The following SLCO1B3 variants were observed in gnomAD, a reference collection of about 807,000 sequenced individuals.
SLCO1B3 encodes solute carrier organic anion transporter family member 1B3.
A neutral mutation model predicts 71.8 loss-of-function variants in SLCO1B3; 72 were observed. That is an observed-to-expected ratio of 1.00 (90% CI 0.83 to 1.22). SLCO1B3 has a LOEUF of 1.22. Among genes scored for constraint, SLCO1B3 ranks in the 50% most tolerant of loss-of-function variants. The pLI, the probability that SLCO1B3 is intolerant of heterozygous loss-of-function variation, is 0.00. For synonymous variants in SLCO1B3, 298 were observed against 278.4 expected, an observed-to-expected ratio of 1.07 and a Z score of -0.70; for missense variants, 911 against 819.7, an observed-to-expected ratio of 1.11 and a Z score of -1.36.
intron 15 of SLCO1B3, among the ~76,000 whole-genome samples, chr12:20,908,781 C>T (rs1031258582): frequency 6.6e-6 from 1 of 152,106 alleles, no homozygotes; most frequent in Non-Finnish European, 1.5e-5. Flanking sequence ...TATACATTTG[C>T]CTACTGAAGG....
chr12:20,908,323 T>C (rs900405889), intron 15 of SLCO1B3, among the ~76,000 whole-genome samples: 9 of 152,334 alleles, frequency 5.9e-5, no homozygotes, highest in African/African-American at 1.9e-4. Context: ...TTCCCCATTA[T>C]CAACATCTCC....
At chr12:20,888,441 T>G (rs1255537888) in intron 13 of SLCO1B3, among the ~76,000 whole-genome samples, 1 of 152,132 alleles carries the variant, frequency 6.6e-6, no homozygotes, top group South Asian at 2.1e-4. Flanking sequence ...ATTACTATTT[T>G]TTATATTCAT....
intron 3 of SLCO1B3, among the ~76,000 whole-genome samples, chr12:20,833,652 CTGTG>C (rs1319105492): frequency 1.7e-5 from 2 of 115,250 alleles, no homozygotes; most frequent in Non-Finnish European, 4.0e-5. Flanking sequence ...TACACACAAA[CTGTG>C]TGTGTGCATA....
At chr12:20,873,821 T>C (rs1865525100) in intron 8 of SLCO1B3, among the ~76,000 whole-genome samples, 1 of 152,178 alleles carries the variant, frequency 6.6e-6, no homozygotes, top group South Asian at 2.1e-4. Flanking sequence ...TTATGTCTTC[T>C]CAGTGTTCAG....
chr12:20,889,591 T>G (rs889838559), intron 13 of SLCO1B3, among the ~76,000 whole-genome samples: 3 of 152,128 alleles, frequency 2.0e-5, no homozygotes, highest in Non-Finnish European at 4.4e-5. Flanking sequence ...ATCTTCTTTC[T>G]TTTTGGTTAA....
At chr12:20,890,596 C>G (rs567171930) in intron 13 of SLCO1B3, among the ~76,000 whole-genome samples, 2 of 152,232 alleles carry the variant, frequency 1.3e-5, no homozygotes, top group African/African-American at 4.8e-5. Flanking sequence ...CATGATCTGC[C>G]TAGTGCTGTC....
At chr12:20,883,379 G>T in intron 12 of SLCO1B3, 39 bp from the exon 13 acceptor site, 1 of 1,220,176 alleles carries the variant, frequency 8.2e-7, no homozygotes, top group African/African-American at 1.6e-5. Flanking sequence ...TGTTGTATTT[G>T]GCAAATGTAT....
At position 20,898,506 on chromosome 12, in the gene SLCO1B3, A is replaced by G. The variant is rs772558908; in HGVS notation, c.1747+6A>G. 4 of 1,425,462 alleles carry G rather than the reference A, an allele frequency of 2.8e-6. No individual in the cohort carries two copies. Among genetic ancestry groups the G allele is most frequent in the African/African-American group, 1.4e-5 (1 of 71,250 alleles). The allele number at this position is 1,425,462 out of a possible 1,614,324, so 88.3% of individuals were successfully genotyped here. A position where few individuals can be genotyped will look rare whatever the true frequency, so the allele number is the denominator to read the frequency against. ...AATGGTTATAAGAACACTAGGTATG[A>G]CAAATATATAGATTATACATTTTAA... On this transcript the variant is annotated splice_donor_region_variant and intron_variant, in intron 14 of 15. Coordinates refer to ENST00000381545, the MANE Select transcript of SLCO1B3 (RefSeq NM_019844.4).
chr12:20,819,271 G>A (rs1053866521), intron 3 of SLCO1B3, among the ~76,000 whole-genome samples: 4 of 152,174 alleles, frequency 2.6e-5, no homozygotes, highest in African/African-American at 7.2e-5. Flanking sequence ...AATCGGACAC[G>A]ATCATCAGGG....
In SLCO1B3 at chr12:20,916,068, A is replaced by G. The variant is rs1299795778; in HGVS notation, c.1930A>G (p.Ile644Val). 2 of 1,612,274 alleles carry G rather than the reference A, an allele frequency of 1.2e-6. No individual in the cohort carries two copies. Among genetic ancestry groups the G allele is most frequent in the South Asian group, 2.2e-5 (2 of 91,044 alleles). The change falls in exon 16 of 16, where the codon ATT becomes GTT. Residue 644 changes from isoleucine to valine, a missense_variant. By Grantham distance (29) the Ile-to-Val change is conservative. Coordinates refer to ENST00000381545, the MANE Select transcript of SLCO1B3 (RefSeq NM_019844.4). The part of the protein sequence containing the change: ...FPALVLYIVF[I>V]FAMKKKFQGK... ...AGCACTTGTTTTATATATTGTTTTC[A>G]TTTTTGCTATGAAGAAAAAATTTCA...
chr12:20,820,534 G>T (rs1217259491), intron 3 of SLCO1B3, among the ~76,000 whole-genome samples: 1 of 152,156 alleles, frequency 6.6e-6, no homozygotes, highest in Non-Finnish European at 1.5e-5. Flanking sequence ...GGAAGTTCTT[G>T]TGTGCTGGAG....
chr12:20,841,937 T>G (rs1308005656), intron 3 of SLCO1B3, among the ~76,000 whole-genome samples: 2 of 150,444 alleles, frequency 1.3e-5, no homozygotes. Flanking sequence ...CAGGCTAGAG[T>G]GCAGTGGAGC....
At chr12:20,818,062 GT>G (rs1864224128) in intron 3 of SLCO1B3, among the ~76,000 whole-genome samples, 1 of 152,036 alleles carries the variant, frequency 6.6e-6, no homozygotes, top group Admixed American at 6.6e-5. Flanking sequence ...GGGATGAAAA[GT>G]TTTTTTGGGG....
intron 8 of SLCO1B3, among the ~76,000 whole-genome samples, chr12:20,865,412 T>C (rs942877118): frequency 5.3e-5 from 8 of 152,138 alleles, no homozygotes; most frequent in African/African-American, 1.9e-4. Flanking sequence ...ATCAGAGTAA[T>C]GGCATCAGTT....
At chr12:20,876,248 G>C (rs1460584680) in intron 9 of SLCO1B3, among the ~76,000 whole-genome samples, 1 of 152,018 alleles carries the variant, frequency 6.6e-6, no homozygotes, top group Non-Finnish European at 1.5e-5. Flanking sequence ...ATGGGCTAAT[G>C]GAGTACCATT....
At position 20,916,356 on chromosome 12, in the gene SLCO1B3, T is replaced by G; in HGVS notation, c.*109T>G. The G allele has an allele frequency of 9.9e-7, 1 of 1,015,188 alleles. No homozygotes were observed. Among genetic ancestry groups the G allele is most frequent in the Non-Finnish European group, 1.5e-6 (1 of 688,686 alleles). 62.9% of individuals were successfully genotyped at this position (1,015,188 alleles called of 1,614,324 possible). A position where few individuals can be genotyped will look rare whatever the true frequency, so the allele number is the denominator to read the frequency against. ...ACCAATGGATAAGTCTATGCATCTA[T>G]AATAAACTATAAAAAATGGGAGTAC... On this transcript the variant is annotated 3_prime_UTR_variant, in exon 16 of 16. Coordinates refer to ENST00000381545, the MANE Select transcript of SLCO1B3 (RefSeq NM_019844.4).
intron 3 of SLCO1B3, among the ~76,000 whole-genome samples, chr12:20,817,148 G>A (rs1864207748): frequency 6.6e-6 from 1 of 152,048 alleles, no homozygotes; most frequent in African/African-American, 2.4e-5. Context: ...CTACTCTGTG[G>A]GTTGTCTCTT....
Position 20,898,420 on chromosome 12 carries a change from C to G in SLCO1B3, c.1683-16C>G. ...TTAATGACATGTATTATTTCTTTGC[C>G]TTTATCATATTTCAGGATTGTTCAA... On this transcript the variant is annotated splice_polypyrimidine_tract_variant and intron_variant, in intron 13 of 15. Transcript: ENST00000381545. The G allele has an allele frequency of 6.4e-7, 1 of 1,561,048 alleles. No homozygotes were observed. Among genetic ancestry groups the G allele is most frequent in the South Asian group, 1.1e-5 (1 of 89,138 alleles).
intron 3 of SLCO1B3, among the ~76,000 whole-genome samples, chr12:20,833,993 T>C (rs1864612660): frequency 6.8e-6 from 1 of 146,342 alleles, no homozygotes; most frequent in Admixed American, 6.9e-5. Flanking sequence ...AACATATATG[T>C]CTATGTGTGG....
Sources: gnomAD v4.1 joint callset for allele counts (sites outside exome capture counted in the v4.1 genomes callset) on GRCh38, gnomAD v4.1.1 for gene constraint, MANE v1.5 for transcripts, NCBI Gene and HGNC (gene_info 2026-07-23, HGNC 2026-07-21) for gene names.